The following OPCML variants were observed in gnomAD, a reference collection of about 807,000 sequenced individuals.
The protein encoded by OPCML is opioid binding protein/cell adhesion molecule like, also known as opioid-binding protein/cell adhesion molecule.
Under a neutral mutation model 37.8 loss-of-function variants are expected in OPCML, and 13 were observed. That is an observed-to-expected ratio of 0.34 (90% CI 0.22 to 0.55). OPCML has a LOEUF of 0.55. Among genes scored for constraint, OPCML ranks in the 20% least tolerant of loss-of-function variants. The pLI, the probability that OPCML is intolerant of heterozygous loss-of-function variation, is 0.91. For synonymous variants in OPCML, 176 were observed against 168.8 expected (o/e 1.04, Z -0.33); for missense variants, 341 against 435.6 (o/e 0.78, Z 1.93).
intron 1 of OPCML, among the ~76,000 whole-genome samples, chr11:133,528,504 A>T (rs1948534974): frequency 6.6e-6 from 1 of 152,218 alleles, no homozygotes; most frequent in Non-Finnish European, 1.5e-5. Flanking sequence ...TGAGAGGCTA[A>T]GGAGCAGGAA....
intron 3 of OPCML, among the ~76,000 whole-genome samples, chr11:132,542,579 C>CG (rs2096359432): frequency 6.6e-6 from 1 of 152,084 alleles, no homozygotes; most frequent in Admixed American, 6.5e-5. Context: ...TGGCACCTGG[C>CG]GACTTGGGAG....
intron 2 of OPCML, among the ~76,000 whole-genome samples, chr11:132,906,911 G>A (rs73043131): frequency 0.043 from 6,527 of 152,230 alleles, 168 homozygotes; most frequent in Non-Finnish European, 0.066. Context: ...GAAGCAAAAT[G>A]CAGAATGCAT....
At chr11:133,082,411 TCCTC>T (rs1294054237) in intron 1 of OPCML, among the ~76,000 whole-genome samples, 28 of 41,876 alleles carry the variant, frequency 6.7e-4, no homozygotes, top group South Asian at 3.7e-3. Context: ...ACCCCTCCTC[TCCTC>T]CCTATCCTCC....
intron 2 of OPCML, among the ~76,000 whole-genome samples, chr11:132,835,435 C>T (rs1194752408): frequency 3.9e-5 from 6 of 152,178 alleles, no homozygotes; most frequent in Non-Finnish European, 7.3e-5. Flanking sequence ...AATAATGCCT[C>T]CTGAATACAT....
intron 2 of OPCML, among the ~76,000 whole-genome samples, chr11:132,764,800 G>A (rs1466410615): frequency 1.3e-5 from 2 of 152,202 alleles, no homozygotes; most frequent in Non-Finnish European, 2.9e-5. Context: ...GTAAGAGTCT[G>A]CCTTTCCTCA....
chr11:132,544,340 G>A (rs972885914), intron 3 of OPCML, among the ~76,000 whole-genome samples: 1 of 152,242 alleles, frequency 6.6e-6, no homozygotes, highest in South Asian at 2.1e-4. Flanking sequence ...TGCCCACCAG[G>A]AACTAAGGCT....
chr11:133,084,899 G>A (rs1383522573), intron 1 of OPCML, among the ~76,000 whole-genome samples: 2 of 151,984 alleles, frequency 1.3e-5, no homozygotes, highest in Non-Finnish European at 2.9e-5. Context: ...TAAAAATACT[G>A]ACATCAAAAG....
At chr11:133,528,832 T>A (rs141673148) in intron 1 of OPCML, among the ~76,000 whole-genome samples, 6 of 152,240 alleles carry the variant, frequency 3.9e-5, no homozygotes, top group African/African-American at 1.2e-4. Context: ...CTCCCCTGCT[T>A]AGAGTCACAA....
intron 1 of OPCML, among the ~76,000 whole-genome samples, chr11:133,012,388 A>G (rs1023543106): frequency 2.0e-5 from 3 of 152,098 alleles, no homozygotes; most frequent in African/African-American, 7.3e-5. Context: ...GAAGATTGGG[A>G]TTGGAAGCGG....
At chr11:132,605,995 G>T (rs1474379286) in intron 3 of OPCML, among the ~76,000 whole-genome samples, 3 of 152,140 alleles carry the variant, frequency 2.0e-5, no homozygotes, top group African/African-American at 7.2e-5. Flanking sequence ...GAATACTTTT[G>T]AGTTACCCTT....
intron 7 of OPCML, among the ~76,000 whole-genome samples, chr11:132,425,309 T>C (rs1389405598): frequency 6.6e-6 from 1 of 152,156 alleles, no homozygotes; most frequent in East Asian, 1.9e-4. Flanking sequence ...AAGAAAGCCA[T>C]TTGGAACAAA....
intron 3 of OPCML, among the ~76,000 whole-genome samples, chr11:132,644,219 A>T (rs1941020992): frequency 6.6e-6 from 1 of 152,166 alleles, no homozygotes; most frequent in South Asian, 2.1e-4. Context: ...CTCTACTAAA[A>T]ATACAAAAAT....
chr11:133,204,803 A>T (rs1938958244), intron 1 of OPCML, among the ~76,000 whole-genome samples: 1 of 149,620 alleles, frequency 6.7e-6, no homozygotes, highest in African/African-American at 2.4e-5. Flanking sequence ...CTGACCTTAA[A>T]TGAGTTCAGG....
At chr11:132,628,102 A>T (rs781635740) in intron 3 of OPCML, among the ~76,000 whole-genome samples, 18 of 152,170 alleles carry the variant, frequency 1.2e-4, no homozygotes, top group Non-Finnish European at 1.8e-4. Flanking sequence ...AGACTGCCCT[A>T]GGTATGCAGA....
intron 2 of OPCML, among the ~76,000 whole-genome samples, chr11:132,782,050 A>C (rs1185668655): frequency 6.7e-6 from 1 of 148,878 alleles, no homozygotes; most frequent in African/African-American, 2.5e-5. Context: ...CTTCAGTTTC[A>C]TCTGCAGCCC....
chr11:132,813,612 C>T (rs542362981), intron 2 of OPCML, among the ~76,000 whole-genome samples: 1 of 152,288 alleles, frequency 6.6e-6, no homozygotes, highest in Admixed American at 6.5e-5. Context: ...GAGAGAACCT[C>T]TTTAAAGATG....
At chr11:133,487,044 A>G (rs1591554202) in intron 1 of OPCML, among the ~76,000 whole-genome samples, 1 of 152,088 alleles carries the variant, frequency 6.6e-6, no homozygotes, top group East Asian at 1.9e-4. Flanking sequence ...GTTCATTCTG[A>G]TTACATCAAC....
chr11:132,843,355 T>G (rs559720122), intron 2 of OPCML, among the ~76,000 whole-genome samples: 41 of 152,234 alleles, frequency 2.7e-4, no homozygotes, highest in African/African-American at 9.1e-4. Flanking sequence ...CGCCTTGGCC[T>G]CCCAAAGTGC....
At chr11:133,367,006 C>T (rs543224673) in intron 1 of OPCML, among the ~76,000 whole-genome samples, 1 of 151,976 alleles carries the variant, frequency 6.6e-6, no homozygotes, top group East Asian at 1.9e-4. Context: ...GAGATGGAGT[C>T]TCACTTTGTC....
Sources: gnomAD v4.1 joint callset for allele counts (sites outside exome capture counted in the v4.1 genomes callset) on GRCh38, gnomAD v4.1.1 for gene constraint, MANE v1.5 for transcripts, NCBI Gene and HGNC (gene_info 2026-07-23, HGNC 2026-07-21) for gene names.